The following RGS22 variants were observed in gnomAD, a reference collection of about 807,000 sequenced individuals.
The protein encoded by RGS22 is regulator of G protein signaling 22, also known as regulator of G-protein signaling 22.
RGS22 carries 148 observed loss-of-function variants against 172.9 expected under a neutral mutation model. The observed-to-expected ratio is 0.86, with a 90% CI of 0.75 to 0.98. The LOEUF (loss-of-function observed/expected upper bound fraction) is 0.98, where lower values mean the gene tolerates loss of function less well. Ranked by LOEUF, RGS22 falls within the 50% of genes least tolerant of loss-of-function variation. RGS22 has a pLI of 0.00. For missense variants in RGS22, 1,347 were observed against 1,440.8 expected (o/e 0.93, Z 1.05); for synonymous variants, 458 against 480.2 (o/e 0.95, Z 0.60).
intron 3 of RGS22, among the ~76,000 whole-genome samples, chr8:100,092,652 G>A (rs1283370335): frequency 1.3e-5 from 2 of 152,158 alleles, no homozygotes; most frequent in African/African-American, 2.4e-5. Context: ...ACCAGATGCA[G>A]CCCCTTGATC....
At chr8:100,026,422 C>T (rs1818182006) in intron 14 of RGS22, among the ~76,000 whole-genome samples, 1 of 152,222 alleles carries the variant, frequency 6.6e-6, no homozygotes, top group East Asian at 1.9e-4. Flanking sequence ...TTTACTGACT[C>T]AGCTTTTGCG....
intron 14 of RGS22, among the ~76,000 whole-genome samples, chr8:100,019,478 T>C (rs1472874675): frequency 6.6e-6 from 1 of 152,246 alleles, no homozygotes. Flanking sequence ...GAAAGTGAAA[T>C]GTAAAACTTT....
At chr8:100,071,297 T>C in intron 6 of RGS22, 72 bp downstream of exon 6, 1 of 1,301,418 alleles carries the variant, frequency 7.7e-7, no homozygotes, top group Non-Finnish European at 1.0e-6. Flanking sequence ...AAAAAATATA[T>C]GTATAAAATA....
At chr8:100,069,725 A>G (rs1188656037) in intron 6 of RGS22, among the ~76,000 whole-genome samples, 1 of 152,228 alleles carries the variant, frequency 6.6e-6, no homozygotes, top group Non-Finnish European at 1.5e-5. Flanking sequence ...TTCCCAGGTG[A>G]CACAGCATGT....
chr8:100,065,859 C>T (rs1457629119), intron 7 of RGS22, among the ~76,000 whole-genome samples: 1 of 152,030 alleles, frequency 6.6e-6, no homozygotes, highest in African/African-American at 2.4e-5. Flanking sequence ...AAGCACCAGG[C>T]CAGGCATTTT....
chr8:100,016,978 CTTT>C (rs71274949), intron 14 of RGS22, among the ~76,000 whole-genome samples: 986 of 35,718 alleles, frequency 0.028, no homozygotes, highest in Non-Finnish European at 0.042. Context: ...CCTTACCAGT[CTTT>C]TTTTTTTTTT....
intron 2 of RGS22, among the ~76,000 whole-genome samples, chr8:100,095,029 T>C (rs545887367): frequency 2.6e-4 from 40 of 152,362 alleles, no homozygotes; most frequent in African/African-American, 5.5e-4. Context: ...TAATACAGAA[T>C]ATGTATTTCA....
chr8:99,973,474 T>C (rs1588880557), intron 23 of RGS22, among the ~76,000 whole-genome samples: 1 of 151,856 alleles, frequency 6.6e-6, no homozygotes. Flanking sequence ...TGAGAACACA[T>C]GGACACAGGG....
At chr8:100,010,500 A>C (rs921643000) in intron 14 of RGS22, among the ~76,000 whole-genome samples, 1 of 152,106 alleles carries the variant, frequency 6.6e-6, no homozygotes, top group Admixed American at 6.5e-5. Context: ...ATAAAAAACC[A>C]ACATGGATTT....
chr8:100,003,479 T>C (rs1815339633), intron 17 of RGS22, among the ~76,000 whole-genome samples: 1 of 151,970 alleles, frequency 6.6e-6, no homozygotes, highest in Non-Finnish European at 1.5e-5. Flanking sequence ...ATAAATATGT[T>C]ATAAGGTTCC....
intron 3 of RGS22, among the ~76,000 whole-genome samples, chr8:100,086,882 T>C (rs1812205768): frequency 6.6e-6 from 1 of 152,088 alleles, no homozygotes; most frequent in African/African-American, 2.4e-5. Flanking sequence ...GAAGAGTTTT[T>C]AGCTGAGGAG....
intron 11 of RGS22, among the ~76,000 whole-genome samples, chr8:100,046,671 C>T (rs1405323247): frequency 6.7e-6 from 1 of 150,088 alleles, no homozygotes; most frequent in Non-Finnish European, 1.5e-5. Context: ...AAGGCATCTG[C>T]GTGTTAACAA....
At chr8:100,001,671 T>C (rs990912661) in intron 18 of RGS22, among the ~76,000 whole-genome samples, 4 of 152,126 alleles carry the variant, frequency 2.6e-5, no homozygotes, top group East Asian at 1.9e-4. Flanking sequence ...CTGGGGAAAA[T>C]ACAATTGTAA....
At chr8:100,052,118 T>TTA (rs1184484484) in intron 10 of RGS22, among the ~76,000 whole-genome samples, 1 of 88,876 alleles carries the variant, frequency 1.1e-5, no homozygotes, top group Non-Finnish European at 2.0e-5. Flanking sequence ...TGTTTATATA[T>TTA]ATTTATATAT....
chr8:99,967,161 G>A (rs2131098004), intron 23 of RGS22, among the ~76,000 whole-genome samples: 1 of 152,272 alleles, frequency 6.6e-6, no homozygotes, highest in South Asian at 2.1e-4. Flanking sequence ...AGCCATGAGG[G>A]ACTGTGCTGT....
At chr8:100,032,211 A>G (rs1818895328) in intron 14 of RGS22, among the ~76,000 whole-genome samples, 1 of 152,238 alleles carries the variant, frequency 6.6e-6, no homozygotes, top group African/African-American at 2.4e-5. Context: ...CAATTAAAAG[A>G]CACAGACTGG....
At chr8:100,050,624 T>G (rs768865870) in intron 10 of RGS22, among the ~76,000 whole-genome samples, 23 of 152,204 alleles carry the variant, frequency 1.5e-4, no homozygotes, top group Non-Finnish European at 2.8e-4. Context: ...AGGGCTACTA[T>G]GATTAATAAG....
At chr8:99,973,533 G>A (rs1811596712) in intron 23 of RGS22, among the ~76,000 whole-genome samples, 1 of 152,010 alleles carries the variant, frequency 6.6e-6, no homozygotes, top group Non-Finnish European at 1.5e-5. Flanking sequence ...GGCAAGGGGA[G>A]GGAGAGCATT....
chr8:100,072,306 A>T, intron 4 of RGS22, 76 bp from the exon 5 acceptor site: 2 of 822,220 alleles, frequency 2.4e-6, no homozygotes, highest in Non-Finnish European at 3.8e-6. Flanking sequence ...TAATAGTGAG[A>T]GCAATAATGA....
Sources: gnomAD v4.1 joint callset for allele counts (sites outside exome capture counted in the v4.1 genomes callset) on GRCh38, gnomAD v4.1.1 for gene constraint, MANE v1.5 for transcripts, NCBI Gene and HGNC (gene_info 2026-07-23, HGNC 2026-07-21) for gene names.